ARHGEF12: variants seen among roughly 807,000 people sequenced by gnomAD.
The protein encoded by ARHGEF12 is KMT2A/ARHGEF12 fusion protein.
A neutral mutation model predicts 211.2 loss-of-function variants in ARHGEF12; 66 were observed. The observed-to-expected ratio is 0.31, with a 90% confidence interval of 0.26 to 0.38. The LOEUF is 0.38. Among genes scored for constraint, ARHGEF12 ranks in the 10% least tolerant of loss-of-function variants. The pLI is 1.00. For missense variants in ARHGEF12, 1,429 were observed against 1,869.5 expected, an observed-to-expected ratio of 0.76 and a Z score of 4.34; for synonymous variants, 592 against 638.4, an observed-to-expected ratio of 0.93 and a Z score of 1.09.
At chr11:120,439,591 A>G (rs966594777) in intron 12 of ARHGEF12, 1 of 152,262 alleles carries the variant, frequency 6.6e-6, no homozygotes, top group Non-Finnish European at 1.5e-5. Context: ...GAGTTCGATG[A>G]TAGCCTTCAA....
Position 120,469,335 on chromosome 11 carries a change from C to T in ARHGEF12, c.2902C>T (p.Arg968Cys), listed in dbSNP as rs898364671. The T allele has an allele frequency of 2.5e-6, 4 of 1,612,874 alleles. No homozygotes were observed. In the South Asian group the frequency reaches 3.3e-5, roughly 13 times the overall value. Residue 968 changes from arginine (R) to cysteine (C), a missense_variant, in exon 30 of 41, where the codon CGT (arginine) becomes TGT (cysteine). By Grantham distance (180) the Arg-to-Cys change is radical (BLOSUM62 -3). Coordinates refer to ENST00000397843, the MANE Select transcript of ARHGEF12 (RefSeq NM_015313.3). ...EKVKKAADHC[R>C]QILNYVNQAV... The stretch of plus-strand genomic sequence containing the variant: ...GGTGAAGAAAGCTGCAGATCACTGT[C>T]GTCAGATCTTAAATTATGTAAATCA...
chr11:120,374,530 C>T (rs1943672714), intron 1 of ARHGEF12, among the ~76,000 whole-genome samples: 1 of 152,048 alleles, frequency 6.6e-6, no homozygotes, highest in Non-Finnish European at 1.5e-5. Flanking sequence ...TCTTCTTGGC[C>T]TTAAAGGTTT....
In ARHGEF12 at chr11:120,481,413, A is replaced by G; in HGVS notation, c.4391A>G (p.Asp1464Gly). Residue 1464 changes from aspartate (D) to glycine (G), a missense_variant, in exon 39 of 41, where the codon GAT becomes GGT. Around this residue, in one of 7 missense-constraint regions of ARHGEF12, gnomAD observed 467 missense variants for 468.4 expected, o/e 1.00. Transcript: ENST00000397843. ...QQHSPQNTHS[D>G]GAISPFTPEF... ...CATTCTCCTCAGAATACTCACTCCG[A>G]TGGGGCAATTTCACCATTCACCCCC... 5.0e-6 allele frequency: 8 copies of G among 1,614,166 alleles called. No individual in the cohort carries two copies. Among genetic ancestry groups the G allele is most frequent in the South Asian group, 1.1e-5 (1 of 91,076 alleles).
chr11:120,431,746 C>G, intron 10 of ARHGEF12, 25 bp from the exon 11 acceptor site: 1 of 1,549,632 alleles, frequency 6.5e-7, no homozygotes, highest in Non-Finnish European at 8.7e-7. Context: ...TTTGTGTGCG[C>G]GTGTTTTTCT....
chr11:120,437,456 C>G, intron 12 of ARHGEF12, 74 bp downstream of exon 12: 1 of 976,434 alleles, frequency 1.0e-6, no homozygotes, highest in Non-Finnish European at 1.5e-6. Flanking sequence ...ATAGACACAT[C>G]TGATGTTTAC....
chr11:120,470,763 C>T (rs189085356), intron 30 of ARHGEF12, among the ~76,000 whole-genome samples: 2 of 152,212 alleles, frequency 1.3e-5, no homozygotes, highest in African/African-American at 4.8e-5. Context: ...CTGTAGGTAC[C>T]CTTATATCTA....
intron 19 of ARHGEF12, 24 bp from the exon 20 acceptor site, chr11:120,448,210 T>C: frequency 6.4e-7 from 1 of 1,553,736 alleles, no homozygotes. Flanking sequence ...GAAGTCTTAA[T>C]TTACTTCGTC....
intron 1 of ARHGEF12, among the ~76,000 whole-genome samples, chr11:120,374,029 A>G (rs1370668115): frequency 6.6e-6 from 1 of 151,920 alleles, no homozygotes; most frequent in Non-Finnish European, 1.5e-5. Flanking sequence ...TTGGGCTCGA[A>G]CTCCCGACCT....
At chr11:120,395,056 C>CAAAAAAAA (rs758953056) in intron 1 of ARHGEF12, among the ~76,000 whole-genome samples, 9 of 34,588 alleles carry the variant, frequency 2.6e-4, no homozygotes, top group South Asian at 9.2e-4. Flanking sequence ...GACTCTATCT[C>CAAAAAAAA]AAAAAAAAAA....
In ARHGEF12 at chr11:120,451,520, G is replaced by A. The variant is rs1946214322; in HGVS notation, c.1852G>A (p.Ala618Thr). The change falls in exon 22 of 41, where the codon GCC becomes ACC. Residue 618 changes from alanine to threonine, a missense_variant. Ala to Thr is a moderately conservative substitution (Grantham distance 58, BLOSUM62 0). This residue lies in a region of ARHGEF12 where 373 missense variants were observed against 467.5 expected (regional missense o/e 0.80). Coordinates refer to ENST00000397843, the MANE Select transcript of ARHGEF12 (RefSeq NM_015313.3). ...SRHDNSAIGR[A>T]MELQKARHPK... is the part of the protein sequence containing the mutation. ...CATCATTTTCTGATCAGTTGGCAGA[G>A]CCATGGAACTACAGAAGGCGCGCCA... 1.2e-6 allele frequency: 2 copies of A among 1,614,022 alleles called. No homozygotes were observed. Among genetic ancestry groups the A allele is most frequent in the South Asian group, 2.2e-5 (2 of 91,066 alleles).
At chr11:120,362,967 G>T (rs1287993485) in intron 1 of ARHGEF12, among the ~76,000 whole-genome samples, 1 of 152,176 alleles carries the variant, frequency 6.6e-6, no homozygotes, top group East Asian at 1.9e-4. Context: ...GGGCGTGGTG[G>T]CAGGCGCCTG....
At chr11:120,352,514 C>T (rs1943014480) in intron 1 of ARHGEF12, among the ~76,000 whole-genome samples, 1 of 151,944 alleles carries the variant, frequency 6.6e-6, no homozygotes, top group Non-Finnish European at 1.5e-5. Context: ...ATAGTGTTAT[C>T]TTTATCATTT....
intron 6 of ARHGEF12, among the ~76,000 whole-genome samples, chr11:120,423,438 C>T (rs12279703): frequency 0.013 from 1,969 of 152,082 alleles, 51 homozygotes; most frequent in African/African-American, 0.046. Context: ...AATGTGAAGT[C>T]GTGTGTACAG....
intron 1 of ARHGEF12, among the ~76,000 whole-genome samples, chr11:120,394,745 G>A (rs1944321764): frequency 1.3e-5 from 2 of 151,924 alleles, no homozygotes; most frequent in South Asian, 4.2e-4. Context: ...CATCATTACA[G>A]ATTCTTCAGA....
intron 19 of ARHGEF12, 24 bp from the exon 20 acceptor site, chr11:120,448,210 T>G: frequency 6.4e-7 from 1 of 1,553,736 alleles, no homozygotes; most frequent in Non-Finnish European, 8.8e-7. Context: ...GAAGTCTTAA[T>G]TTACTTCGTC....
rs1233269238 is a variant in ARHGEF12 at position 120,488,669 on chromosome 11, CTG to C, written c.*3594_*3595del. On this transcript the variant is annotated 3_prime_UTR_variant, in exon 41 of 41. Coordinates refer to ENST00000397843, the MANE Select transcript of ARHGEF12 (RefSeq NM_015313.3). ...AGCAGATATATTCCAAAAATGGTAA[CTG>C]TCATGTGCACACTGTTGGTTATTTT... 4.5e-6 allele frequency: 1 copy of C among 220,994 alleles called. No homozygotes were observed. The highest frequency in any genetic ancestry group is 2.2e-5 in the African/African-American group (1 of 44,662). The allele number at this position is 220,994 out of a possible 1,614,324, so 13.7% of individuals were successfully genotyped here.
chr11:120,484,907 C>T (rs757603794), intron 40 of ARHGEF12, among the ~76,000 whole-genome samples, 160 bp from the exon 41 acceptor site: 4 of 152,202 alleles, frequency 2.6e-5, no homozygotes, highest in Admixed American at 6.5e-5. Flanking sequence ...CCCCTGACTG[C>T]AGATGGATTT....
At chr11:120,348,011 T>G (rs952810829) in intron 1 of ARHGEF12, among the ~76,000 whole-genome samples, 1 of 152,240 alleles carries the variant, frequency 6.6e-6, no homozygotes, top group Admixed American at 6.5e-5. Context: ...TTAACTAGCT[T>G]CTTTCATTGT....
At chr11:120,380,958 A>G (rs2135451582) in intron 1 of ARHGEF12, among the ~76,000 whole-genome samples, 1 of 152,260 alleles carries the variant, frequency 6.6e-6, no homozygotes, top group African/African-American at 2.4e-5. Flanking sequence ...TGTCCCTTTC[A>G]TATGCCCCTA....
Sources: allele counts gnomAD v4.1 joint callset (sites outside exome capture counted in the v4.1 genomes callset), GRCh38; gene constraint gnomAD v4.1.1; regional missense constraint gnomAD v4.1.1; transcripts MANE v1.5; gene names NCBI Gene and HGNC (gene_info 2026-07-23, HGNC 2026-07-21).